DARS1: variants seen among roughly 807,000 people sequenced by gnomAD.
The protein encoded by DARS1 is aspartyl-tRNA synthetase 1, also known as aspartate--tRNA ligase, cytoplasmic.
DARS1 carries 51 observed loss-of-function variants against 68.8 expected under a neutral mutation model. The observed-to-expected ratio is 0.74, with a 90% CI of 0.59 to 0.94. DARS1 has a LOEUF of 0.94. DARS1 is among the 40% of genes least tolerant of loss of function. DARS1 has a pLI of 0.00. For synonymous variants in DARS1, 203 were observed against 190.4 expected, an observed-to-expected ratio of 1.07 and a Z score of -0.55; for missense variants, 607 against 597.3, an observed-to-expected ratio of 1.02 and a Z score of -0.17.
intron 3 of DARS1, among the ~76,000 whole-genome samples, chr2:135,964,840 C>CAG (rs1682188162): frequency 2.0e-5 from 1 of 49,630 alleles, no homozygotes; most frequent in East Asian, 5.7e-4. Context: ...GACTCCACCT[C>CAG]AAAAAAAAAA....
At chr2:135,919,859 T>C (rs1681080354) in intron 10 of DARS1, among the ~76,000 whole-genome samples, 1 of 152,234 alleles carries the variant, frequency 6.6e-6, no homozygotes, top group African/African-American at 2.4e-5. Context: ...TAAATATAAA[T>C]TGATTTAAGA....
intron 5 of DARS1, among the ~76,000 whole-genome samples, chr2:135,942,454 T>A (rs309150): frequency 0.21 from 28,685 of 137,600 alleles, 3,091 homozygotes; most frequent in Middle Eastern, 0.47. Flanking sequence ...AATTGAACAA[T>A]GAGATCACTT....
chr2:135,909,073 A>G (rs1200687461), intron 15 of DARS1, among the ~76,000 whole-genome samples: 1 of 144,084 alleles, frequency 6.9e-6, no homozygotes, highest in Non-Finnish European at 1.5e-5. Flanking sequence ...TATAAGTGGG[A>G]GCTGAACAAT....
rs557000302 is a variant in DARS1 at position 135,909,757 on chromosome 2, CTTCTT to C, written c.1414+1377_1414+1381del. Among the ~76,000 whole-genome samples, 125 of 152,242 alleles carry C rather than the reference CTTCTT, an allele frequency of 8.2e-4. 1 individual carries two copies. The highest frequency in any genetic ancestry group is 2.9e-3 in the African/African-American group (120 of 41,564). On this transcript the variant is annotated intron_variant, in intron 15 of 15. Coordinates refer to ENST00000264161, the MANE Select transcript of DARS1 (RefSeq NM_001349.4). ...ACATTGCTACAAATGACAGGATTTCCTTCTTTTGTAAGGCAGAGTGTTATTTCATT... is the reference window on the plus strand; with the variant it reads ...ACATTGCTACAAATGACAGGATTTCCTTGTAAGGCAGAGTGTTATTTCATT...
intron 3 of DARS1, among the ~76,000 whole-genome samples, chr2:135,973,413 CAG>C (rs1291314423): frequency 6.6e-6 from 1 of 151,012 alleles, no homozygotes; most frequent in African/African-American, 2.4e-5. Flanking sequence ...AGATAGTTAA[CAG>C]AGGCTGGGAA....
intron 10 of DARS1, among the ~76,000 whole-genome samples, 192 bp downstream of exon 10, chr2:135,920,261 A>G (rs1681087302): frequency 6.6e-6 from 1 of 152,226 alleles, no homozygotes; most frequent in East Asian, 1.9e-4. Context: ...TGAGCCCCCA[A>G]ATGATTTGGA....
intron 3 of DARS1, among the ~76,000 whole-genome samples, chr2:135,965,022 T>C (rs770880718): frequency 3.3e-5 from 5 of 151,932 alleles, no homozygotes; most frequent in African/African-American, 7.3e-5. Context: ...AAAACCTATA[T>C]AGTATGTAAA....
intron 4 of DARS1, among the ~76,000 whole-genome samples, chr2:135,955,385 C>A (rs1681948694): frequency 6.6e-6 from 1 of 151,972 alleles, no homozygotes; most frequent in African/African-American, 2.4e-5. Flanking sequence ...CATAACCACC[C>A]ACATTCAAAT....
intron 3 of DARS1, among the ~76,000 whole-genome samples, chr2:135,973,666 G>A (rs1682436039): frequency 6.6e-6 from 1 of 151,872 alleles, no homozygotes; most frequent in East Asian, 1.9e-4. Context: ...ACCAGCCTGG[G>A]CAACATGGCA....
chr2:135,945,103 T>C (rs1681690949), intron 4 of DARS1, among the ~76,000 whole-genome samples: 1 of 152,072 alleles, frequency 6.6e-6, no homozygotes, highest in Admixed American at 6.6e-5. Context: ...GACAGTCTTC[T>C]TCAGGCCAAC....
intron 10 of DARS1, among the ~76,000 whole-genome samples, chr2:135,919,273 C>T (rs1019587782): frequency 2.0e-5 from 3 of 152,112 alleles, no homozygotes; most frequent in Non-Finnish European, 4.4e-5. Context: ...TCAAGTGATC[C>T]GCCTGCCTCA....
At chr2:135,972,836 C>A (rs1051566845) in intron 3 of DARS1, among the ~76,000 whole-genome samples, 1 of 152,214 alleles carries the variant, frequency 6.6e-6, no homozygotes, top group Non-Finnish European at 1.5e-5. Context: ...CTCATCATCA[C>A]TGATCTTCAG....
intron 5 of DARS1, among the ~76,000 whole-genome samples, chr2:135,939,524 AT>A (rs1265065191): frequency 1.3e-5 from 2 of 152,236 alleles, no homozygotes; most frequent in Non-Finnish European, 2.9e-5. Flanking sequence ...GTAGAGGGAA[AT>A]TTATAGCACT....
chr2:135,975,664 G>A (rs939840783), intron 3 of DARS1, among the ~76,000 whole-genome samples: 1 of 150,002 alleles, frequency 6.7e-6, no homozygotes, highest in Non-Finnish European at 1.5e-5. Context: ...GCATGGTGGC[G>A]CATGCCTGTA....
At position 135,953,298 on chromosome 2, in the gene DARS1, T is replaced by C. The variant is rs553868684; in HGVS notation, c.320+8098A>G. Among the ~76,000 whole-genome samples, 7 of 152,346 alleles carry C rather than the reference T, an allele frequency of 4.6e-5. No individual in the cohort carries two copies. In the East Asian group the frequency reaches 1.3e-3, roughly 29 times the overall value. On this transcript the variant is annotated intron_variant, in intron 4 of 15. Transcript: ENST00000264161. ...AACAAAGCGCCTGCAATTAGATGTG[T>C]TAAGGAACAGTATTAGTTATCCAGC...
chr2:135,941,534 T>TAG, intron 5 of DARS1, among the ~76,000 whole-genome samples: 1 of 151,824 alleles, frequency 6.6e-6, no homozygotes, highest in South Asian at 2.1e-4. Context: ...ACTTAAACGT[T>TAG]AGACCTAAAA....
At chr2:135,918,743 G>C (rs374570630) in intron 10 of DARS1, among the ~76,000 whole-genome samples, 1 of 152,122 alleles carries the variant, frequency 6.6e-6, no homozygotes. Flanking sequence ...ATGAGTTTCT[G>C]AAACTTTCTT....
rs1298107790 is a variant in DARS1, at chr2:135,961,852, T to C, written c.218-354A>G. ...AACTTGAGATCACTTTCAACATTCA[T>C]TCAATAGTTAGTATATTCCACATGC... On this transcript the variant is annotated intron_variant, in intron 3 of 15. Coordinates refer to ENST00000264161, the MANE Select transcript of DARS1 (RefSeq NM_001349.4). Among the ~76,000 whole-genome samples the C allele has an allele frequency of 2.0e-5, 3 of 152,336 alleles. No homozygotes were observed. In the East Asian group the frequency reaches 5.8e-4, roughly 29 times the overall value.
Position 135,924,436 on chromosome 2 carries a change from A to G in DARS1, c.627T>C (p.Thr209=), listed in dbSNP as rs147653512. The change falls in exon 8 of 16, where the codon ACT becomes ACC. Residue 209 remains threonine (T), a synonymous_variant. Coordinates refer to ENST00000264161, the MANE Select transcript of DARS1 (RefSeq NM_001349.4). ...QSGICHLFRE[T]LINKGFVEIQ... ...TTTCCACAAAACCTTTGTTAATTAA[A>G]GTTTCTCGGAAGAGATGGCAGATGC... The G allele has an allele frequency of 6.2e-7, 1 of 1,609,898 alleles. No individual in the cohort carries two copies. Among genetic ancestry groups the G allele is most frequent in the Non-Finnish European group, 8.5e-7 (1 of 1,178,906 alleles).
Sources: allele counts gnomAD v4.1 joint callset (sites outside exome capture counted in the v4.1 genomes callset), GRCh38; gene constraint gnomAD v4.1.1; transcripts MANE v1.5; gene names NCBI Gene and HGNC (gene_info 2026-07-23, HGNC 2026-07-21).